TSPAN5: variants seen among roughly 807,000 people sequenced by gnomAD.
TSPAN5 encodes the protein tetraspanin 5, also known as tetraspanin-5.
In TSPAN5, 10 loss-of-function variants were observed where a neutral mutation model predicts 37.1. That is an observed-to-expected ratio of 0.27 (90% CI 0.17 to 0.46). The LOEUF is 0.46. TSPAN5 is among the 20% of genes least tolerant of loss of function. The probability of loss-of-function intolerance (pLI) is 1.00; values close to 1 mark genes in which losing one functional copy is unlikely to be tolerated. For synonymous variants in TSPAN5, 110 were observed against 118.9 expected (o/e 0.93, Z 0.48); for missense variants, 195 against 326.6 (o/e 0.60, Z 3.11).
In TSPAN5 at chr4:98,480,666, T is replaced by C. The variant is rs542829893; in HGVS notation, c.450+1339A>G. 2.6e-5 allele frequency among the ~76,000 whole-genome samples: 4 copies of C among 152,302 alleles called. No homozygotes were observed. In the South Asian group the frequency reaches 8.3e-4, roughly 32 times the overall value. ...AAGCACACAGCATCCCAAGACAACATGGTCCTTCCAGGGCTTGGGTCATGC... is the reference window on the plus strand; with the variant it reads ...AAGCACACAGCATCCCAAGACAACACGGTCCTTCCAGGGCTTGGGTCATGC... On this transcript the variant is annotated intron_variant, in intron 4 of 7. Transcript: ENST00000305798.
intron 1 of TSPAN5, among the ~76,000 whole-genome samples, chr4:98,585,389 G>A (rs1280904793): frequency 1.3e-5 from 2 of 151,718 alleles, no homozygotes; most frequent in African/African-American, 2.4e-5. Flanking sequence ...GGCTTACTGC[G>A]ACCTCTGCCT....
chr4:98,582,209 C>T (rs1171382866), intron 1 of TSPAN5, among the ~76,000 whole-genome samples: 5 of 152,188 alleles, frequency 3.3e-5, no homozygotes. Context: ...GCCGCTGGGC[C>T]CTCTCCCCTG....
intron 1 of TSPAN5, among the ~76,000 whole-genome samples, chr4:98,515,387 C>T (rs187691169): frequency 4.1e-4 from 63 of 152,260 alleles, no homozygotes; most frequent in African/African-American, 1.5e-3. Context: ...TTCCTGCCCC[C>T]CTCCTGACAC....
chr4:98,614,799 G>A (rs1756282489), intron 1 of TSPAN5, among the ~76,000 whole-genome samples: 1 of 152,060 alleles, frequency 6.6e-6, no homozygotes, highest in Non-Finnish European at 1.5e-5. Context: ...TTTCAATCCT[G>A]CCAGTTTGTC....
Position 98,478,839 on chromosome 4 carries a change from T to A in TSPAN5, c.451-29A>T, listed in dbSNP as rs186222797. 6 of 1,608,862 alleles carry A rather than the reference T, an allele frequency of 3.7e-6. No individual in the cohort carries two copies. The African/African-American group carries it at 5.3e-5, about 14-fold the overall frequency. On this transcript the variant is annotated intron_variant, in intron 4 of 7. Coordinates refer to ENST00000305798, the MANE Select transcript of TSPAN5 (RefSeq NM_005723.4). ...GAGCAAACAGGAAAGAATTAGAACA[T>A]CCCAACTTGGAGGCAAGCAGTCACC...
intron 3 of TSPAN5, chr4:98,484,690 A>T: frequency 7.2e-6 from 3 of 419,404 alleles, no homozygotes; most frequent in Non-Finnish European, 1.4e-5. Context: ...GAGCAGGTGC[A>T]GTGGCTCATG....
At chr4:98,541,309 G>A (rs1271313836) in intron 1 of TSPAN5, among the ~76,000 whole-genome samples, 1 of 152,156 alleles carries the variant, frequency 6.6e-6, no homozygotes, top group Non-Finnish European at 1.5e-5. Flanking sequence ...CAAACTCTGA[G>A]AGGCTCATTT....
At chr4:98,623,868 T>C (rs1487770375) in intron 1 of TSPAN5, among the ~76,000 whole-genome samples, 1 of 152,200 alleles carries the variant, frequency 6.6e-6, no homozygotes, top group Non-Finnish European at 1.5e-5. Flanking sequence ...TCCTCTGTAT[T>C]CACGTACTTT....
intron 1 of TSPAN5, among the ~76,000 whole-genome samples, chr4:98,621,929 G>A (rs541715196): frequency 2.0e-5 from 3 of 152,074 alleles, no homozygotes; most frequent in East Asian, 1.9e-4. Flanking sequence ...TGTTTTCCAC[G>A]TTCATCCATG....
intron 1 of TSPAN5, among the ~76,000 whole-genome samples, chr4:98,545,770 G>A (rs575782875): frequency 6.2e-4 from 95 of 152,218 alleles, no homozygotes; most frequent in African/African-American, 2.2e-3. Flanking sequence ...GGCCTCAAGC[G>A]ATATGCCCAC....
intron 1 of TSPAN5, among the ~76,000 whole-genome samples, chr4:98,575,853 C>G (rs1755222906): frequency 1.3e-5 from 2 of 150,828 alleles, no homozygotes; most frequent in Admixed American, 1.3e-4. Flanking sequence ...AGGCAGATCA[C>G]AAGGTCAGGA....
intron 1 of TSPAN5, among the ~76,000 whole-genome samples, chr4:98,584,164 C>A (rs1250350341): frequency 6.6e-6 from 1 of 152,144 alleles, no homozygotes; most frequent in Non-Finnish European, 1.5e-5. Context: ...TGGAGTCTAG[C>A]TCCTGGGCTC....
At chr4:98,477,217 C>T (rs1250149139) in intron 5 of TSPAN5, among the ~76,000 whole-genome samples, 1 of 152,236 alleles carries the variant, frequency 6.6e-6, no homozygotes. Flanking sequence ...TGCAAGGCCA[C>T]CAGGATGAGC....
chr4:98,504,797 G>A (rs182952517), intron 2 of TSPAN5, among the ~76,000 whole-genome samples: 1 of 152,226 alleles, frequency 6.6e-6, no homozygotes, highest in Non-Finnish European at 1.5e-5. Context: ...GTCAAATACT[G>A]GAGGAGCCAG....
At chr4:98,545,494 G>A (rs1350654083) in intron 1 of TSPAN5, among the ~76,000 whole-genome samples, 1 of 151,672 alleles carries the variant, frequency 6.6e-6, no homozygotes. Context: ...ACTGCTTACT[G>A]TTCATGCTTT....
At chr4:98,554,342 A>C (rs1341242132) in intron 1 of TSPAN5, among the ~76,000 whole-genome samples, 2 of 152,188 alleles carry the variant, frequency 1.3e-5, no homozygotes, top group African/African-American at 2.4e-5. Flanking sequence ...ACATGAACCT[A>C]CTGATTCCAA....
At chr4:98,535,907 C>T (rs1452647769) in intron 1 of TSPAN5, among the ~76,000 whole-genome samples, 4 of 152,142 alleles carry the variant, frequency 2.6e-5, no homozygotes, top group Non-Finnish European at 5.9e-5. Flanking sequence ...CTTCTTTAAA[C>T]TGGTTATTCT....
intron 1 of TSPAN5, among the ~76,000 whole-genome samples, chr4:98,581,248 T>G (rs1755363550): frequency 6.6e-6 from 1 of 152,224 alleles, no homozygotes; most frequent in Non-Finnish European, 1.5e-5. Context: ...AAAGCCATTC[T>G]GAACACACAG....
intron 3 of TSPAN5, chr4:98,485,591 C>T (rs1752942181): frequency 6.6e-6 from 1 of 151,984 alleles, no homozygotes; most frequent in Non-Finnish European, 1.5e-5. Flanking sequence ...TAAATAGCCT[C>T]CAAAAACTTC....
Sources: allele counts gnomAD v4.1 joint callset (sites outside exome capture counted in the v4.1 genomes callset), GRCh38; gene constraint gnomAD v4.1.1; transcripts MANE v1.5; gene names NCBI Gene and HGNC (gene_info 2026-07-23, HGNC 2026-07-21).